ELFN1: variants seen among roughly 807,000 people sequenced by gnomAD.
ELFN1 encodes the protein extracellular leucine rich repeat and fibronectin type III domain containing 1, also known as protein ELFN1.
A neutral mutation model predicts 7.6 loss-of-function variants in ELFN1; 6 were observed. The ratio of observed to expected loss-of-function variants is 0.79; its 90% CI spans 0.43 to 1.56. The LOEUF (loss-of-function observed/expected upper bound fraction) is 1.56. Among genes scored for constraint, ELFN1 ranks in the 40% most tolerant of loss-of-function variants. ELFN1 has a pLI of 0.01. For synonymous variants in ELFN1, 657 were observed against 588.1 expected, an observed-to-expected ratio of 1.12 and a Z score of -1.70; for missense variants, 1,169 against 1,232.2, an observed-to-expected ratio of 0.95 and a Z score of 0.77.
chr7:1,696,353 A>C (rs1348587628), intron 2 of ELFN1, among the ~76,000 whole-genome samples: 1 of 150,636 alleles, frequency 6.6e-6, no homozygotes, highest in Non-Finnish European at 1.5e-5. Context: ...AGACAGGGAG[A>C]GAGAGGGCAT....
chr7:1,667,396 G>C (rs1024394753), upstream of ELFN1, among the ~76,000 whole-genome samples: 3 of 152,270 alleles, frequency 2.0e-5, no homozygotes, highest in African/African-American at 4.8e-5. The surrounding 1 kb of genome is among the most constrained non-coding windows in gnomAD (Gnocchi z 8.2). Flanking sequence ...AGCTTCGGGG[G>C]TTGTGGAGGG....
intron 2 of ELFN1, among the ~76,000 whole-genome samples, chr7:1,699,750 C>G (rs752364671): frequency 8.5e-5 from 13 of 152,216 alleles, no homozygotes; most frequent in Non-Finnish European, 1.9e-4. Flanking sequence ...GTTGACCAGG[C>G]TGGAGTGCAA....
Position 1,744,373 on chromosome 7 carries a change from G to C in ELFN1, c.-224G>C, listed in dbSNP as rs1229775528. 2 of 516,938 alleles carry C rather than the reference G, an allele frequency of 3.9e-6. No homozygotes were observed. Among genetic ancestry groups the C allele is most frequent in the Non-Finnish European group, 3.3e-6 (1 of 300,172 alleles). The allele number at this position is 516,938 out of a possible 1,614,324, so 32.0% of individuals were successfully genotyped here. A position where few individuals can be genotyped will look rare whatever the true frequency, so the allele number is the denominator to read the frequency against. On this transcript the variant is annotated 5_prime_UTR_variant, in exon 4 of 4. Coordinates refer to ENST00000424383, the MANE Select transcript of ELFN1 (RefSeq NM_001128636.4). ...CCAGGCCCATGGGGCAGGAGGCCTCGGTCACCACAGGACTGGGGCGGAAGA... is the reference window on the plus strand; with the variant it reads ...CCAGGCCCATGGGGCAGGAGGCCTCCGTCACCACAGGACTGGGGCGGAAGA...
chr7:1,696,395 T>TA (rs1779314658), intron 2 of ELFN1, among the ~76,000 whole-genome samples: 1 of 149,026 alleles, frequency 6.7e-6, no homozygotes, highest in Non-Finnish European at 1.5e-5. Context: ...TTTCTTTCTT[T>TA]TTTTTTTTTT....
chr7:1,693,790 G>T, intron 2 of ELFN1: 2 of 470,532 alleles, frequency 4.3e-6, no homozygotes, highest in South Asian at 3.1e-5. Flanking sequence ...ACAGACACGG[G>T]GTGCGGGACA....
intron 3 of ELFN1, among the ~76,000 whole-genome samples, chr7:1,719,337 C>T (rs182373883): frequency 7.2e-6 from 1 of 138,122 alleles, no homozygotes; most frequent in African/African-American, 3.2e-5. Context: ...CAACAGGGCC[C>T]CGCCCACCAA....
chr7:1,726,459 G>A lies in ELFN1; in HGVS notation c.-294+17207G>A, dbSNP rs567541706. On this transcript the variant is annotated intron_variant, in intron 3 of 3. Transcript: ENST00000424383. ...GGCGGCACGCTCAGCCCAACACCACGCCAAGTCCCTCCCCAAGGCCAAGCT... is the reference window on the plus strand; with the variant it reads ...GGCGGCACGCTCAGCCCAACACCACACCAAGTCCCTCCCCAAGGCCAAGCT... Among the ~76,000 whole-genome samples the A allele has an allele frequency of 3.3e-5, 5 of 152,308 alleles. No homozygotes were observed. The South Asian group carries it at 1.0e-3, about 32-fold the overall frequency.
intron 3 of ELFN1, among the ~76,000 whole-genome samples, chr7:1,726,103 G>A (rs1433509311): frequency 1.3e-5 from 2 of 151,932 alleles, no homozygotes; most frequent in Admixed American, 6.5e-5. Context: ...TCATACACAC[G>A]CACTATTCTC....
Position 1,693,034 on chromosome 7 carries a change from C to T in ELFN1, c.-456+4884C>T, listed in dbSNP as rs565566820. 39 of 286,642 alleles carry T rather than the reference C, an allele frequency of 1.4e-4. 1 individual carries two copies. The highest frequency in any genetic ancestry group is 6.5e-4 in the African/African-American group (30 of 46,318). The allele number at this position is 286,642 out of a possible 1,614,324, so 17.8% of individuals were successfully genotyped here. A position where few individuals can be genotyped will look rare whatever the true frequency, so the allele number is the denominator to read the frequency against. On this transcript the variant is annotated intron_variant, in intron 2 of 3. Transcript: ENST00000424383. Reference sequence around the variant, plus strand: ...TCAGTTTTGTTGTCTGTAAAATGGGCGCAGGTCAGCCTCTCCCTGTGAACA... The same window carrying T: ...TCAGTTTTGTTGTCTGTAAAATGGGTGCAGGTCAGCCTCTCCCTGTGAACA...
Position 1,744,501 on chromosome 7 carries a change from C to A in ELFN1, c.-96C>A. 5.7e-5 allele frequency: 77 copies of A among 1,345,088 alleles called. No individual in the cohort carries two copies. Among genetic ancestry groups the A allele is most frequent in the Non-Finnish European group, 7.5e-5 (77 of 1,024,414 alleles). The allele number at this position is 1,345,088 out of a possible 1,614,324, so 83.3% of individuals were successfully genotyped here. A position where few individuals can be genotyped will look rare whatever the true frequency, so the allele number is the denominator to read the frequency against. Reference sequence around the variant, plus strand: ...CACCCCTGAGAGTGCAGGCACCTCCCCCTCCCGCCCCTCCATCCCTCTGGG... The same window carrying A: ...CACCCCTGAGAGTGCAGGCACCTCCACCTCCCGCCCCTCCATCCCTCTGGG... On this transcript the variant is annotated 5_prime_UTR_variant, in exon 4 of 4. Transcript: ENST00000424383.
chr7:1,736,277 C>G (rs1008332199), intron 3 of ELFN1, among the ~76,000 whole-genome samples: 2 of 152,196 alleles, frequency 1.3e-5, no homozygotes, highest in East Asian at 1.9e-4. Context: ...CCGCCTCCCC[C>G]ACACGTCTGG....
At chr7:1,731,024 C>G (rs998605625) in intron 3 of ELFN1, among the ~76,000 whole-genome samples, 1 of 152,134 alleles carries the variant, frequency 6.6e-6, no homozygotes, top group African/African-American at 2.4e-5. Context: ...AACAGCTAGT[C>G]GAGACACATA....
At chr7:1,679,189 A>C in intron 1 of ELFN1, among the ~76,000 whole-genome samples, 1 of 151,480 alleles carries the variant, frequency 6.6e-6, no homozygotes, top group Non-Finnish European at 1.5e-5. Flanking sequence ...GCACACACAC[A>C]CACACACAAC....
At chr7:1,732,712 C>T (rs903277553) in intron 3 of ELFN1, among the ~76,000 whole-genome samples, 1 of 152,012 alleles carries the variant, frequency 6.6e-6, no homozygotes, top group Admixed American at 6.5e-5. Flanking sequence ...AAGGCCATGT[C>T]GGTGGGGAGA....
intron 1 of ELFN1, among the ~76,000 whole-genome samples, chr7:1,677,039 G>A (rs577464903): frequency 1.3e-5 from 2 of 152,342 alleles, no homozygotes; most frequent in South Asian, 4.1e-4. Flanking sequence ...CGCTGGCAGC[G>A]GAGAGACAGA....
Position 1,746,469 on chromosome 7 carries a change from C to A in ELFN1, c.1873C>A (p.Gln625Lys), listed in dbSNP as rs1780795888. 5 of 1,520,256 alleles carry A rather than the reference C, an allele frequency of 3.3e-6. No individual in the cohort carries two copies. The highest frequency in any genetic ancestry group is 3.5e-6 in the Non-Finnish European group (4 of 1,139,144). The allele number at this position is 1,520,256 out of a possible 1,614,324, so 94.2% of individuals were successfully genotyped here. A position where few individuals can be genotyped will look rare whatever the true frequency, so the allele number is the denominator to read the frequency against. ...CAAGGACGCCTTCGGCCACAGCCTG[C>A]AGCGGCACCACAGCGTGGAGGCCGC... ...GYKDAFGHSL[Q>K]RHHSVEAAGP... is the part of the protein sequence containing the mutation. The change falls in exon 4 of 4, where the codon CAG becomes AAG. Residue 625 changes from glutamine (Q) to lysine (K), a missense_variant. This residue lies in a region of ELFN1 where 914 missense variants were observed against 872.6 expected (regional missense o/e 1.05). Transcript: ENST00000424383.
chr7:1,745,400 GCGCTCACAGCCGGGC>G lies in ELFN1; in HGVS notation c.810_824del (p.Gln271_Ser275del). On this transcript the variant is annotated inframe_deletion, in exon 4 of 4. Transcript: ENST00000424383. The stretch of plus-strand genomic sequence containing the variant: ...TCGGGCCCCCACGTCCAGCATCCGG[GCGCTCACAGCCGGGC>G]CGCTCCCCGCCGCCCCCGCCTCCGC... 1 of 1,539,052 alleles carries G rather than the reference GCGCTCACAGCCGGGC, an allele frequency of 6.5e-7. No individual in the cohort carries two copies. The highest frequency in any genetic ancestry group is 8.7e-7 in the Non-Finnish European group (1 of 1,145,916).
chr7:1,666,575 C>G (rs1778674364), upstream of ELFN1, among the ~76,000 whole-genome samples: 2 of 151,910 alleles, frequency 1.3e-5, no homozygotes, highest in African/African-American at 2.4e-5. This position sits in a 1 kb window ranked among gnomAD's most constrained non-coding sequence, Gnocchi z 7.9. Context: ...GCTAGGGAGG[C>G]GCCGCGGGGA....
chr7:1,745,642 A>G lies in ELFN1; in HGVS notation c.1046A>G (p.Asn349Ser), dbSNP rs1780758312. 1.3e-6 allele frequency: 2 copies of G among 1,551,036 alleles called. No homozygotes were observed. The highest frequency in any genetic ancestry group is 1.4e-5 in the African/African-American group (1 of 73,006). The change falls in exon 4 of 4, where the codon AAC (asparagine) becomes AGC (serine). Residue 349 changes from asparagine (N) to serine (S), a missense_variant. This residue lies in a region of ELFN1 where 914 missense variants were observed against 872.6 expected (regional missense o/e 1.05). Coordinates refer to ENST00000424383, the MANE Select transcript of ELFN1 (RefSeq NM_001128636.4). ...CGGATGTACACCCTGGAGCATTTCA[A>G]CAACAGCAAGGCCTCCACCGTGTCC... Reference protein sequence around the residue: ...FHRMYTLEHFNNSKASTVSRL... With the variant: ...FHRMYTLEHFSNSKASTVSRL...
Sources: gnomAD v4.1 joint callset for allele counts (sites outside exome capture counted in the v4.1 genomes callset) on GRCh38, gnomAD v4.1.1 for gene constraint, gnomAD v4.1.1 regional missense constraint, Gnocchi (gnomAD v3.1) non-coding constraint, MANE v1.5 for transcripts, NCBI Gene and HGNC (gene_info 2026-07-23, HGNC 2026-07-21) for gene names.